The following COL5A2 variants were observed in gnomAD, a reference collection of about 807,000 sequenced individuals.
COL5A2 encodes collagen type V alpha 2 chain.
In COL5A2, 23 loss-of-function variants were observed where a neutral mutation model predicts 208.2. The ratio of observed to expected loss-of-function variants is 0.11; its 90% CI spans 0.08 to 0.16. The LOEUF (loss-of-function observed/expected upper bound fraction) is 0.16, where lower values mean the gene tolerates loss of function less well. Ranked by LOEUF, COL5A2 falls within the 10% of genes least tolerant of loss-of-function variation. The probability of loss-of-function intolerance (pLI) is 1.00; values close to 1 mark genes in which losing one functional copy is unlikely to be tolerated. For synonymous variants in COL5A2, 625 were observed against 628.5 expected, an observed-to-expected ratio of 0.99 and a Z score of 0.08; for missense variants, 1,590 against 1,956.4, an observed-to-expected ratio of 0.81 and a Z score of 3.53.
At chr2:189,169,373 A>G (rs1323262072) in intron 1 of COL5A2, among the ~76,000 whole-genome samples, 1 of 152,174 alleles carries the variant, frequency 6.6e-6, no homozygotes. Context: ...GCTTCAGATC[A>G]TGGGGCCATT....
chr2:189,200,311 G>C (rs1163037862), intron 1 of COL5A2, among the ~76,000 whole-genome samples: 2 of 152,128 alleles, frequency 1.3e-5, no homozygotes, highest in Admixed American at 1.3e-4. Context: ...GCTCAAAGCT[G>C]TTAGATAATA....
chr2:189,036,931 C>A, intron 51 of COL5A2, 128 bp from the exon 52 acceptor site: 2 of 778,388 alleles, frequency 2.6e-6, no homozygotes, highest in Non-Finnish European at 2.1e-6. Flanking sequence ...AGTGAGAGTG[C>A]CCCTTACGAA....
intron 29 of COL5A2, 44 bp downstream of exon 29, chr2:189,062,821 T>C (rs767553789): frequency 1.2e-6 from 2 of 1,609,706 alleles, no homozygotes; most frequent in Admixed American, 3.3e-5. Flanking sequence ...ATGCAATGTG[T>C]GTATATATAT....
chr2:189,187,738 A>G (rs574750768), intron 1 of COL5A2, among the ~76,000 whole-genome samples: 278 of 152,264 alleles, frequency 1.8e-3, no homozygotes, highest in African/African-American at 6.4e-3. Flanking sequence ...TGGGAGGCCG[A>G]GGCGGGCAGA....
chr2:189,363,270 C>T, the COL5A2 span, among the ~76,000 whole-genome samples: 1 of 152,018 alleles, frequency 6.6e-6, no homozygotes, highest in African/African-American at 2.4e-5. Flanking sequence ...TAAAGTTTCT[C>T]CATTAAGTAT....
chr2:189,341,920 C>T, the COL5A2 span, among the ~76,000 whole-genome samples: 1 of 152,004 alleles, frequency 6.6e-6, no homozygotes, highest in African/African-American at 2.4e-5. Context: ...AACATTAAAA[C>T]TTTGTATCCG....
At chr2:189,055,965 TATTAA>T (rs949429133) in intron 35 of COL5A2, among the ~76,000 whole-genome samples, 2 of 152,244 alleles carry the variant, frequency 1.3e-5, no homozygotes, top group African/African-American at 2.4e-5. Flanking sequence ...ATTTTTGAAA[TATTAA>T]ATTAAATATT....
At chr2:189,261,859 C>G in the COL5A2 span, among the ~76,000 whole-genome samples, 1 of 152,068 alleles carries the variant, frequency 6.6e-6, no homozygotes, top group Non-Finnish European at 1.5e-5. Flanking sequence ...CTAAACAGAC[C>G]ATCTAAAAGG....
chr2:189,355,007 A>G, the COL5A2 span, among the ~76,000 whole-genome samples: 1 of 152,218 alleles, frequency 6.6e-6, no homozygotes, highest in Non-Finnish European at 1.5e-5. Flanking sequence ...TTCAAAGAAC[A>G]TCTCTATTTC....
intron 1 of COL5A2, among the ~76,000 whole-genome samples, chr2:189,169,523 C>T (rs1323574352): frequency 6.6e-6 from 1 of 152,040 alleles, no homozygotes; most frequent in Admixed American, 6.5e-5. Flanking sequence ...AGCTTATTAA[C>T]ACACAGATAA....
chr2:189,153,724 A>T (rs1688190617), intron 1 of COL5A2, among the ~76,000 whole-genome samples: 1 of 150,156 alleles, frequency 6.7e-6, no homozygotes, highest in Non-Finnish European at 1.5e-5. Context: ...CTCTCTATAT[A>T]CTCTCTGGTT....
chr2:189,124,018 A>G (rs985729921), intron 1 of COL5A2, among the ~76,000 whole-genome samples: 2 of 152,224 alleles, frequency 1.3e-5, no homozygotes, highest in African/African-American at 4.8e-5. Context: ...AAGAGAGTGG[A>G]AAAGTGACAA....
chr2:189,293,541 G>A, the COL5A2 span, among the ~76,000 whole-genome samples: 1 of 152,134 alleles, frequency 6.6e-6, no homozygotes, highest in Non-Finnish European at 1.5e-5. Context: ...AACCCACAAG[G>A]TTAGGATTAG....
chr2:189,083,640 A>G (rs573098353), intron 12 of COL5A2, among the ~76,000 whole-genome samples: 4 of 152,134 alleles, frequency 2.6e-5, no homozygotes, highest in Non-Finnish European at 5.9e-5. Flanking sequence ...TGAAGTGTGA[A>G]TTGTAAACAG....
chr2:189,310,089 T>G, the COL5A2 span, among the ~76,000 whole-genome samples: 1 of 152,210 alleles, frequency 6.6e-6, no homozygotes, highest in Admixed American at 6.5e-5. Flanking sequence ...TTCTTATCAG[T>G]GGAAGCAAAG....
At chr2:189,264,815 T>C in the COL5A2 span, among the ~76,000 whole-genome samples, 1 of 152,122 alleles carries the variant, frequency 6.6e-6, no homozygotes, top group South Asian at 2.1e-4. Flanking sequence ...TATCACAAAA[T>C]AACCTATTCA....
the COL5A2 span, among the ~76,000 whole-genome samples, chr2:189,242,822 A>G: frequency 1.3e-5 from 2 of 152,204 alleles, no homozygotes; most frequent in Non-Finnish European, 2.9e-5. Context: ...AACCTGTCAG[A>G]TGATCTTGGG....
chr2:189,438,214 C>G, the COL5A2 span, among the ~76,000 whole-genome samples: 24 of 151,106 alleles, frequency 1.6e-4, no homozygotes, highest in African/African-American at 5.1e-4. Context: ...CTTGACAATA[C>G]CAAGTCCTGA....
intron 1 of COL5A2, among the ~76,000 whole-genome samples, chr2:189,122,347 T>A (rs1034094796): frequency 4.6e-5 from 7 of 151,980 alleles, no homozygotes; most frequent in African/African-American, 1.7e-4. Flanking sequence ...TTTGAGGTGG[T>A]GGGGGTAAGG....
Sources: allele counts gnomAD v4.1 joint callset (sites outside exome capture counted in the v4.1 genomes callset), GRCh38; gene constraint gnomAD v4.1.1; transcripts MANE v1.5; gene names NCBI Gene and HGNC (gene_info 2026-07-23, HGNC 2026-07-21).